ACOT11: variants seen among roughly 807,000 people sequenced by gnomAD.
ACOT11 encodes the protein acyl-CoA thioesterase 11, also known as acyl-coenzyme A thioesterase 11.
ACOT11 carries 69 observed loss-of-function variants against 77.5 expected under a neutral mutation model. That is an observed-to-expected ratio of 0.89 (90% CI 0.73 to 1.09). The LOEUF (loss-of-function observed/expected upper bound fraction) is 1.09. Among genes scored for constraint, ACOT11 ranks in the 50% least tolerant of loss-of-function variants. ACOT11 has a pLI of 0.00. For missense variants in ACOT11, 766 were observed against 813.7 expected (o/e 0.94, Z 0.71); for synonymous variants, 279 against 313.0 (o/e 0.89, Z 1.15).
At chr1:54,565,870 C>T (rs1186087397) in intron 1 of ACOT11, among the ~76,000 whole-genome samples, 3 of 152,212 alleles carry the variant, frequency 2.0e-5, no homozygotes, top group African/African-American at 7.2e-5. Flanking sequence ...TCTTTGCTGC[C>T]TTTTCCCACA....
At chr1:54,575,641 A>G (rs991812362) in intron 1 of ACOT11, among the ~76,000 whole-genome samples, 4 of 152,228 alleles carry the variant, frequency 2.6e-5, no homozygotes, top group East Asian at 1.9e-4. Context: ...AGATACCAGA[A>G]GTAGAAAGAG....
chr1:54,623,196 G>A (rs1481576739), intron 15 of ACOT11: 2 of 909,594 alleles, frequency 2.2e-6, no homozygotes, highest in Non-Finnish European at 1.8e-6. Flanking sequence ...AAAGGGACTG[G>A]TCAGAGCTGT....
chr1:54,610,865 T>A (rs1644110390), downstream of ACOT11: 1 of 985,226 alleles, frequency 1.0e-6, no homozygotes, highest in African/African-American at 1.7e-5. Flanking sequence ...GGGGCCTCTT[T>A]GAGATGGCTT....
chr1:54,618,223 G>A (rs1275115074), intron 15 of ACOT11, among the ~76,000 whole-genome samples: 3 of 152,112 alleles, frequency 2.0e-5, no homozygotes, highest in African/African-American at 7.2e-5. Flanking sequence ...CACCTCCTCA[G>A]CCGGGCGCGG....
intron 1 of ACOT11, among the ~76,000 whole-genome samples, chr1:54,562,538 G>T (rs1376647647): frequency 1.0e-5 from 1 of 96,154 alleles, no homozygotes; most frequent in Non-Finnish European, 2.4e-5. Context: ...GGCCGGGCGG[G>T]GGGCTGACCC....
exon 17 of ACOT11, chr1:54,637,847 A>G (rs555545053): frequency 6.6e-6 from 1 of 152,270 alleles, no homozygotes; most frequent in East Asian, 1.9e-4. Flanking sequence ...AAGAATGGGA[A>G]AAAAACAATT....
Position 54,623,035 on chromosome 1 carries a change from G to C in ACOT11, c.1630-7699G>C, listed in dbSNP as rs112385662. ...ACTAAAATTACAAAAAATTAGCTGG[G>C]CGTGGTGGCGGGTGCCTGTAATCCC... On this transcript the variant is annotated intron_variant, in intron 15 of 16. Coordinates refer to the ACOT11 transcript ENST00000371316. Among the ~76,000 whole-genome samples the C allele has an allele frequency of 3.9e-3, 593 of 152,098 alleles. 2 individuals carry two copies. Among genetic ancestry groups the C allele is most frequent in the African/African-American group, 0.013 (560 of 41,488 alleles).
downstream of ACOT11, chr1:54,611,490 C>T: frequency 9.7e-7 from 1 of 1,034,072 alleles, no homozygotes; most frequent in Non-Finnish European, 1.4e-6. Context: ...GCCTCCTGTC[C>T]CACCCCGGCC....
At chr1:54,637,564 C>T (rs1199705914) in exon 17 of ACOT11, 1 of 151,596 alleles carries the variant, frequency 6.6e-6, no homozygotes, top group African/African-American at 2.4e-5. Flanking sequence ...GGGCAGATCA[C>T]CTGAGGTCAG....
chr1:54,612,478 G>GT, downstream of ACOT11: 1 of 1,610,904 alleles, frequency 6.2e-7, no homozygotes, highest in Non-Finnish European at 8.5e-7. Flanking sequence ...GGGTTTGGTG[G>GT]TTTTCACCTC....
chr1:54,629,036 G>A (rs1644286320), intron 15 of ACOT11, among the ~76,000 whole-genome samples: 1 of 115,184 alleles, frequency 8.7e-6, no homozygotes, highest in African/African-American at 2.9e-5. Context: ...TCCAGCCTGG[G>A]CGACAGAGCA....
chr1:54,596,852 G>A (rs1654916629), intron 6 of ACOT11, among the ~76,000 whole-genome samples: 1 of 152,194 alleles, frequency 6.6e-6, no homozygotes, highest in African/African-American at 2.4e-5. Context: ...TGAGATTACA[G>A]GCATGAGCCA....
chr1:54,585,872 C>G lies in ACOT11; in HGVS notation c.279C>G (p.Ser93=), dbSNP rs763311851. 2.5e-6 allele frequency: 4 copies of G among 1,614,000 alleles called. No homozygotes were observed. The highest frequency in any genetic ancestry group is 2.5e-6 in the Non-Finnish European group (3 of 1,180,006). ...CTGGCTGCCCCTGTGTCACAGCTTC[C>G]ATGGATGACATCTATTTTGAGCACA... The part of the protein sequence containing the change: ...RHAGCPCVTA[S]MDDIYFEHTI... Residue 93 remains serine (S), a synonymous_variant, in exon 3 of 16, where the codon TCC becomes TCG. Transcript: ENST00000343744.
chr1:54,563,374 G>A (rs1653620752), intron 1 of ACOT11, among the ~76,000 whole-genome samples: 1 of 152,226 alleles, frequency 6.6e-6, no homozygotes, highest in African/African-American at 2.4e-5. Flanking sequence ...CACCGGCAGA[G>A]TGCCATTAGA....
downstream of ACOT11, chr1:54,610,740 C>T (rs914203975): frequency 2.2e-6 from 2 of 915,344 alleles, no homozygotes; most frequent in Non-Finnish European, 2.6e-6. Flanking sequence ...GTCTTATAAG[C>T]AGTAAGCAAA....
In ACOT11 at chr1:54,607,718, G is replaced by T. The variant is rs1226925080; in HGVS notation, c.1503-224G>T. On this transcript the variant is annotated intron_variant, in intron 14 of 15. Coordinates refer to ENST00000343744, the MANE Select transcript of ACOT11 (RefSeq NM_147161.4). The surrounding 1 kb of genome is among the most constrained non-coding windows in gnomAD (Gnocchi z 4.5). Reference sequence around the variant, plus strand: ...GCTTTTCCAGAAAGTCCACAGTGAAGTCAGGTTGGCTCCTGGTGAATTCAG... The same window carrying T: ...GCTTTTCCAGAAAGTCCACAGTGAATTCAGGTTGGCTCCTGGTGAATTCAG... Among the ~76,000 whole-genome samples the T allele has an allele frequency of 6.6e-6, 1 of 152,052 alleles. No individual in the cohort carries two copies. The highest frequency in any genetic ancestry group is 1.5e-5 in the Non-Finnish European group (1 of 67,980).
chr1:54,599,288 C>T lies in ACOT11; in HGVS notation c.765-8C>T. Reference sequence around the variant, plus strand: ...ATTCCTTCTGTCTCCCCACCCCTGCCTCCTCAGCCGGCTCTGCCGTGCCCA... The same window carrying T: ...ATTCCTTCTGTCTCCCCACCCCTGCTTCCTCAGCCGGCTCTGCCGTGCCCA... On this transcript the variant is annotated splice_polypyrimidine_tract_variant and splice_region_variant and intron_variant, in intron 7 of 15. Coordinates refer to ENST00000343744, the MANE Select transcript of ACOT11 (RefSeq NM_147161.4). The T allele has an allele frequency of 6.5e-7, 1 of 1,543,246 alleles. No individual in the cohort carries two copies. Among genetic ancestry groups the T allele is most frequent in the Non-Finnish European group, 8.8e-7 (1 of 1,140,036 alleles).
In ACOT11 at chr1:54,609,731, G is replaced by A. The variant is rs767823797; in HGVS notation, c.*619G>A. The stretch of plus-strand genomic sequence containing the variant: ...AGGCCAATGCAAGAGGCCAAGGCTG[G>A]AGAGGCGTGCCAGCAAGGCCAGGGA... On this transcript the variant is annotated 3_prime_UTR_variant, in exon 16 of 16. Coordinates refer to ENST00000343744, the MANE Select transcript of ACOT11 (RefSeq NM_147161.4). 1 of 1,614,174 alleles carries A rather than the reference G, an allele frequency of 6.2e-7. No homozygotes were observed. Among genetic ancestry groups the A allele is most frequent in the Non-Finnish European group, 8.5e-7 (1 of 1,180,028 alleles).
At chr1:54,602,541 T>A in intron 9 of ACOT11, 128 bp from the exon 10 acceptor site, 1 of 886,762 alleles carries the variant, frequency 1.1e-6, no homozygotes, top group Non-Finnish European at 1.6e-6. Flanking sequence ...GATGTTTTGA[T>A]TCCAGCTGCC....
Sources: gnomAD v4.1 joint callset for allele counts (sites outside exome capture counted in the v4.1 genomes callset) on GRCh38, gnomAD v4.1.1 for gene constraint, Gnocchi (gnomAD v3.1) non-coding constraint, MANE v1.5 for transcripts, NCBI Gene and HGNC (gene_info 2026-07-23, HGNC 2026-07-21) for gene names.